The following NFX1 variants were observed in gnomAD, a reference collection of about 807,000 sequenced individuals.
NFX1 encodes transcriptional repressor NF-X1.
In NFX1, 69 loss-of-function variants were observed where a neutral mutation model predicts 137.2. That is an observed-to-expected ratio of 0.50 (90% CI 0.41 to 0.61). NFX1 has a LOEUF of 0.61. Among genes scored for constraint, NFX1 ranks in the 20% least tolerant of loss-of-function variants. The pLI, the probability that NFX1 is intolerant of heterozygous loss-of-function variation, is 0.00. For synonymous variants in NFX1, 495 were observed against 474.1 expected, an observed-to-expected ratio of 1.04 and a Z score of -0.57; for missense variants, 1,167 against 1,391.0, an observed-to-expected ratio of 0.84 and a Z score of 2.56.
intron 7 of NFX1, among the ~76,000 whole-genome samples, chr9:33,316,630 A>G (rs534926637): frequency 3.3e-5 from 5 of 152,326 alleles, no homozygotes; most frequent in Non-Finnish European, 7.3e-5. Flanking sequence ...TTCTTGAATT[A>G]TAATCTTCTA....
chr9:33,366,916 C>T, intron 22 of NFX1, 142 bp downstream of exon 22: 3 of 1,122,950 alleles, frequency 2.7e-6, no homozygotes, highest in Non-Finnish European at 3.7e-6. Flanking sequence ...TCTGGCACTT[C>T]CCAGATAATC....
At chr9:33,326,865 G>A (rs1042346797) in intron 9 of NFX1, among the ~76,000 whole-genome samples, 19 of 152,028 alleles carry the variant, frequency 1.2e-4, no homozygotes, top group Non-Finnish European at 2.2e-4. Context: ...GCACAAAAGG[G>A]GAGAAGAATA....
intron 6 of NFX1, among the ~76,000 whole-genome samples, chr9:33,312,149 T>TTGA (rs1821985255): frequency 6.6e-6 from 1 of 152,110 alleles, no homozygotes; most frequent in South Asian, 2.1e-4. Flanking sequence ...TCATGCAGAT[T>TTGA]TTCGGTGAGG....
At chr9:33,364,833 A>G (rs1824123657) in intron 21 of NFX1, 59 bp downstream of exon 21, 1 of 1,593,732 alleles carries the variant, frequency 6.3e-7, no homozygotes, top group Non-Finnish European at 8.5e-7. Context: ...GAAAAAAAAA[A>G]AGCAATCAAG....
intron 9 of NFX1, among the ~76,000 whole-genome samples, chr9:33,323,624 G>A (rs923399040): frequency 3.9e-5 from 6 of 151,906 alleles, no homozygotes; most frequent in Non-Finnish European, 8.8e-5. Flanking sequence ...ATGTTGGTAT[G>A]CGCCTGTGGT....
intron 11 of NFX1, among the ~76,000 whole-genome samples, chr9:33,337,033 C>T (rs954649323): frequency 5.3e-5 from 8 of 151,972 alleles, no homozygotes; most frequent in Admixed American, 1.3e-4. Context: ...ACCCAGGAGG[C>T]GGAGGTTGCA....
chr9:33,344,203 G>A lies in NFX1; in HGVS notation c.2344+15G>A. The A allele has an allele frequency of 6.2e-7, 1 of 1,613,322 alleles. No homozygotes were observed. The highest frequency in any genetic ancestry group is 1.3e-5 in the African/African-American group (1 of 75,002). ...TGACCATCCAGGTGAGTACCAACTT[G>A]TCTTCACACTTCAGCCTGCTCACAC... On this transcript the variant is annotated intron_variant, in intron 14 of 23. Coordinates refer to ENST00000379540, the MANE Select transcript of NFX1 (RefSeq NM_002504.6).
rs1281195465 is a variant in NFX1 at position 33,297,782 on chromosome 9, G to A, written c.1033+2355G>A. Among the ~76,000 whole-genome samples, 5 of 152,122 alleles carry A rather than the reference G, an allele frequency of 3.3e-5. No individual in the cohort carries two copies. In the South Asian group the frequency reaches 6.2e-4, roughly 19 times the overall value. Reference sequence around the variant, plus strand: ...GATAGTTTGCTTCTTTGAGGCCTGCGGGAAAGCAGCTGCTGCCACTTCAGA... The same window carrying A: ...GATAGTTTGCTTCTTTGAGGCCTGCAGGAAAGCAGCTGCTGCCACTTCAGA... On this transcript the variant is annotated intron_variant, in intron 2 of 23. Transcript: ENST00000379540.
intron 11 of NFX1, 105 bp from the exon 12 acceptor site, chr9:33,338,402 GTAT>G: frequency 1.0e-6 from 1 of 976,430 alleles, no homozygotes; most frequent in Non-Finnish European, 1.6e-6. Flanking sequence ...TATTACAATT[GTAT>G]TATTACTATT....
intron 9 of NFX1, among the ~76,000 whole-genome samples, chr9:33,327,519 C>A (rs576890714): frequency 6.6e-6 from 1 of 152,250 alleles, no homozygotes; most frequent in Admixed American, 6.5e-5. Context: ...TGGGCGCCAC[C>A]ACGCCTGGCT....
chr9:33,363,160 CATT>C (rs1824057790), intron 19 of NFX1, among the ~76,000 whole-genome samples: 1 of 151,620 alleles, frequency 6.6e-6, no homozygotes, highest in South Asian at 2.1e-4. Flanking sequence ...CTGATTTGGT[CATT>C]ATACAACATA....
At chr9:33,298,369 G>C (rs1051223308) in intron 2 of NFX1, among the ~76,000 whole-genome samples, 1 of 152,238 alleles carries the variant, frequency 6.6e-6, no homozygotes, top group South Asian at 2.1e-4. Context: ...AGGAAAGGTG[G>C]TCAGAGAAAT....
At chr9:33,314,471 G>A (rs1822081506) in intron 7 of NFX1, among the ~76,000 whole-genome samples, 1 of 151,956 alleles carries the variant, frequency 6.6e-6, no homozygotes, top group African/African-American at 2.4e-5. Context: ...GAGGTCAGCA[G>A]ATTGAGACCA....
intron 17 of NFX1, among the ~76,000 whole-genome samples, chr9:33,353,720 C>T (rs62542732): frequency 0.059 from 7,777 of 132,812 alleles, 230 homozygotes; most frequent in East Asian, 0.1. Context: ...TGGAGTTTCG[C>T]TCCTGTTGCC....
intron 14 of NFX1, among the ~76,000 whole-genome samples, chr9:33,344,443 C>T (rs1823338590): frequency 1.3e-5 from 2 of 152,218 alleles, no homozygotes; most frequent in African/African-American, 4.8e-5. Flanking sequence ...TCTTATCTCT[C>T]AAGAACTTTT....
intron 4 of NFX1, among the ~76,000 whole-genome samples, chr9:33,306,916 C>T (rs1465013135): frequency 6.6e-6 from 1 of 152,166 alleles, no homozygotes; most frequent in Non-Finnish European, 1.5e-5. Flanking sequence ...TTAAATTAAA[C>T]GTTTCCATTA....
At chr9:33,350,219 G>A (rs1432858259) in intron 15 of NFX1, among the ~76,000 whole-genome samples, 2 of 150,658 alleles carry the variant, frequency 1.3e-5, no homozygotes, top group Non-Finnish European at 2.9e-5. Context: ...TAGGAGAATC[G>A]CTTGAACCCA....
intron 21 of NFX1, chr9:33,365,637 T>C (rs1176086205): frequency 2.0e-5 from 3 of 151,922 alleles, no homozygotes; most frequent in Admixed American, 6.6e-5. Context: ...AAAAAGAAAA[T>C]AAAGATGCTG....
chr9:33,327,146 T>A (rs1027188379), intron 9 of NFX1, among the ~76,000 whole-genome samples: 23 of 152,102 alleles, frequency 1.5e-4, no homozygotes, highest in African/African-American at 5.6e-4. Flanking sequence ...AACAGTAACA[T>A]TAAATGTGAA....
Sources: allele counts gnomAD v4.1 joint callset (sites outside exome capture counted in the v4.1 genomes callset), GRCh38; gene constraint gnomAD v4.1.1; transcripts MANE v1.5; gene names NCBI Gene and HGNC (gene_info 2026-07-23, HGNC 2026-07-21).